KCNQ5: variants seen among roughly 807,000 people sequenced by gnomAD.
The protein encoded by KCNQ5 is potassium voltage-gated channel subfamily Q member 5.
In KCNQ5, 30 loss-of-function variants were observed where a neutral mutation model predicts 98.2. The observed-to-expected ratio is 0.31, with a 90% CI of 0.23 to 0.41. The LOEUF (loss-of-function observed/expected upper bound fraction) is 0.41, where lower values mean the gene tolerates loss of function less well. Ranked by LOEUF, KCNQ5 falls within the 10% of genes least tolerant of loss-of-function variation. The pLI, the probability that KCNQ5 is intolerant of heterozygous loss-of-function variation, is 1.00. For synonymous variants in KCNQ5, 458 were observed against 449.4 expected (o/e 1.02, Z -0.24); for missense variants, 835 against 1,182.5 (o/e 0.71, Z 4.31).
At chr6:72,880,985 T>A (rs1400894758) in intron 1 of KCNQ5, among the ~76,000 whole-genome samples, 1 of 152,126 alleles carries the variant, frequency 6.6e-6, no homozygotes, top group African/African-American at 2.4e-5. Flanking sequence ...GCAGAGAGGA[T>A]TAAAGATGTC....
chr6:72,767,268 G>A (rs1304410534), intron 1 of KCNQ5, among the ~76,000 whole-genome samples: 1 of 151,864 alleles, frequency 6.6e-6, no homozygotes, highest in South Asian at 2.1e-4. Context: ...ATGGTGTTAG[G>A]GTAACTGGAT....
intron 1 of KCNQ5, among the ~76,000 whole-genome samples, chr6:72,780,930 G>C (rs1773432666): frequency 6.6e-6 from 1 of 152,132 alleles, no homozygotes; most frequent in Non-Finnish European, 1.5e-5. Flanking sequence ...TTCTAGCTCT[G>C]AGGCCAGTGT....
At chr6:73,184,043 T>C (rs985468494) in intron 11 of KCNQ5, among the ~76,000 whole-genome samples, 2 of 152,358 alleles carry the variant, frequency 1.3e-5, no homozygotes, top group South Asian at 2.1e-4. Context: ...CCAATATAAT[T>C]CCATCCCAAC....
rs568104288 is a variant in KCNQ5, at chr6:72,775,170, T to A, written c.398+152583T>A. Among the ~76,000 whole-genome samples, 5 of 152,298 alleles carry A rather than the reference T, an allele frequency of 3.3e-5. No individual in the cohort carries two copies. The South Asian group carries it at 1.0e-3, about 32-fold the overall frequency. ...ATACATATGGAAAGACACTGTGATA[T>A]ATTTACATAATATGCATTCATACTA... is the stretch of plus-strand genomic sequence containing the variant. On this transcript the variant is annotated intron_variant, in intron 1 of 13. Coordinates refer to ENST00000370398, the MANE Select transcript of KCNQ5 (RefSeq NM_019842.4).
intron 1 of KCNQ5, among the ~76,000 whole-genome samples, chr6:72,880,753 C>T (rs1223204636): frequency 6.6e-6 from 1 of 152,112 alleles, no homozygotes; most frequent in Non-Finnish European, 1.5e-5. Context: ...ATCCTGGCAA[C>T]CTTGCTGAAT....
chr6:72,826,253 A>G (rs1562007924), intron 1 of KCNQ5, among the ~76,000 whole-genome samples: 1 of 152,180 alleles, frequency 6.6e-6, no homozygotes, highest in Non-Finnish European at 1.5e-5. Flanking sequence ...TTCCTGCAAG[A>G]TTAGTCATTA....
chr6:72,897,684 G>C (rs924053530), intron 1 of KCNQ5, among the ~76,000 whole-genome samples: 2 of 152,102 alleles, frequency 1.3e-5, no homozygotes, highest in African/African-American at 4.8e-5. Context: ...AAGAAATAGC[G>C]AAAGAAAAGG....
intron 1 of KCNQ5, among the ~76,000 whole-genome samples, chr6:72,797,354 A>G (rs1172334009): frequency 6.6e-6 from 1 of 151,948 alleles, no homozygotes; most frequent in African/African-American, 2.4e-5. Flanking sequence ...CATATGAAAA[A>G]ATTAGCTGGG....
At chr6:72,973,893 A>T (rs1157000275) in intron 1 of KCNQ5, among the ~76,000 whole-genome samples, 4 of 152,238 alleles carry the variant, frequency 2.6e-5, no homozygotes, top group Non-Finnish European at 4.4e-5. Flanking sequence ...AGACAAAAAC[A>T]TTCAACAGTG....
At chr6:72,728,313 T>G (rs573154236) in intron 1 of KCNQ5, among the ~76,000 whole-genome samples, 57 of 152,306 alleles carry the variant, frequency 3.7e-4, no homozygotes, top group African/African-American at 1.3e-3. Context: ...ATCATAAGTA[T>G]GAAATCAAGT....
At chr6:73,016,064 T>C (rs1370371588) in intron 2 of KCNQ5, among the ~76,000 whole-genome samples, 1 of 152,112 alleles carries the variant, frequency 6.6e-6, no homozygotes, top group Non-Finnish European at 1.5e-5. Flanking sequence ...GGAGCTAATG[T>C]TTTTGTGGAA....
intron 1 of KCNQ5, among the ~76,000 whole-genome samples, chr6:72,941,458 TCCTTC>T (rs1766265655): frequency 1.2e-5 from 1 of 81,584 alleles, no homozygotes; most frequent in African/African-American, 4.1e-5. Context: ...ATTCCTTCCT[TCCTTC>T]TTCCTTCCCT....
intron 1 of KCNQ5, among the ~76,000 whole-genome samples, chr6:72,905,804 G>T (rs1018253688): frequency 3.7e-4 from 56 of 151,314 alleles, no homozygotes; most frequent in African/African-American, 1.4e-3. Context: ...GAGGTGTCAG[G>T]GGGGTGAAAT....
intron 5 of KCNQ5, among the ~76,000 whole-genome samples, chr6:73,091,958 G>A (rs532099450): frequency 1.4e-4 from 21 of 152,020 alleles, no homozygotes; most frequent in South Asian, 1.0e-3. Flanking sequence ...CTACCTATCC[G>A]TGAGCATTGG....
intron 1 of KCNQ5, among the ~76,000 whole-genome samples, chr6:72,758,950 A>T (rs891828192): frequency 4.6e-5 from 7 of 152,166 alleles, no homozygotes; most frequent in African/African-American, 7.2e-5. Context: ...ATCACCCAGA[A>T]TGGCCAGAAA....
chr6:72,791,315 GA>G (rs1774027778), intron 1 of KCNQ5, among the ~76,000 whole-genome samples: 1 of 151,816 alleles, frequency 6.6e-6, no homozygotes, highest in Admixed American at 6.6e-5. Flanking sequence ...ACTGAATGAT[GA>G]CAAAATGTGA....
At chr6:73,049,693 A>G (rs9350480) in intron 3 of KCNQ5, among the ~76,000 whole-genome samples, 140,980 of 152,184 alleles carry the variant, frequency 0.93, 65,867 homozygotes, top group East Asian at 0.99. Context: ...CCGTATTTTC[A>G]GCATGTACTA....
chr6:72,687,343 G>A (rs1768007548), intron 1 of KCNQ5, among the ~76,000 whole-genome samples: 1 of 152,284 alleles, frequency 6.6e-6, no homozygotes. Flanking sequence ...GAACTCCTTA[G>A]CAGAGAGATC....
At chr6:72,941,081 C>T (rs1334153104) in intron 1 of KCNQ5, among the ~76,000 whole-genome samples, 1 of 152,024 alleles carries the variant, frequency 6.6e-6, no homozygotes, top group East Asian at 1.9e-4. Context: ...GTCATCAGAC[C>T]GAAATGTTTA....
Sources: gnomAD v4.1 joint callset for allele counts (sites outside exome capture counted in the v4.1 genomes callset) on GRCh38, gnomAD v4.1.1 for gene constraint, MANE v1.5 for transcripts, NCBI Gene and HGNC (gene_info 2026-07-23, HGNC 2026-07-21) for gene names.